SENP6: variants seen among roughly 807,000 people sequenced by gnomAD.
SENP6 encodes the protein sentrin-specific protease 6.
In SENP6, 41 loss-of-function variants were observed where a neutral mutation model predicts 134.5. The ratio of observed to expected loss-of-function variants is 0.30; its 90% CI spans 0.24 to 0.40. SENP6 has a LOEUF of 0.40. SENP6 is among the 10% of genes least tolerant of loss of function. SENP6 has a pLI of 1.00. For synonymous variants in SENP6, 395 were observed against 429.8 expected (o/e 0.92, Z 1.00); for missense variants, 1,248 against 1,312.5 (o/e 0.95, Z 0.76).
At position 75,617,315 on chromosome 6, in the gene SENP6, C is replaced by CCAGGCTG. The variant is rs1436809054; in HGVS notation, c.53-4216_53-4210dup. On this transcript the variant is annotated intron_variant, in intron 1 of 23. Coordinates refer to ENST00000447266, the MANE Select transcript of SENP6 (RefSeq NM_015571.4). ...TGAGACGGAGTTTCGCTCTTGTTGC[C>CCAGGCTG]CAGGCTGGAGTGCAATGGCGTGATC... 4.7e-5 allele frequency among the ~76,000 whole-genome samples: 6 copies of CCAGGCTG among 126,706 alleles called. No individual in the cohort carries two copies. In the East Asian group the frequency reaches 1.3e-3, roughly 28 times the overall value. 83.1% of individuals were successfully genotyped at this position (126,706 alleles called of 152,430 possible). A position where few individuals can be genotyped will look rare whatever the true frequency, so the allele number is the denominator to read the frequency against.
chr6:75,626,715 A>G (rs1768724647), intron 3 of SENP6, among the ~76,000 whole-genome samples: 1 of 152,162 alleles, frequency 6.6e-6, no homozygotes, highest in Non-Finnish European at 1.5e-5. Context: ...GATACTGCCA[A>G]ATTCCCTATC....
At chr6:75,613,123 A>AG (rs1367109080) in intron 1 of SENP6, among the ~76,000 whole-genome samples, 1 of 151,754 alleles carries the variant, frequency 6.6e-6, no homozygotes, top group Non-Finnish European at 1.5e-5. Flanking sequence ...TTAAAAAAAA[A>AG]AAAAGAAAAG....
intron 2 of SENP6, chr6:75,622,887 T>G (rs1768383607): frequency 2.4e-5 from 25 of 1,054,124 alleles, no homozygotes; most frequent in Non-Finnish European, 3.0e-5. Flanking sequence ...GTCAGTATTT[T>G]ATGGTTTTCT....
intron 3 of SENP6, among the ~76,000 whole-genome samples, chr6:75,632,423 A>G (rs550661619): frequency 6.6e-6 from 1 of 152,206 alleles, no homozygotes; most frequent in Non-Finnish European, 1.5e-5. Flanking sequence ...TAGAATTGTC[A>G]TGAGATTTAT....
At chr6:75,637,191 T>G (rs1438806481) in intron 5 of SENP6, among the ~76,000 whole-genome samples, 1 of 152,164 alleles carries the variant, frequency 6.6e-6, no homozygotes, top group African/African-American at 2.4e-5. Context: ...TTATAATAAT[T>G]TGAAATGAAA....
intron 7 of SENP6, among the ~76,000 whole-genome samples, chr6:75,654,041 T>C (rs1390003303): frequency 1.3e-5 from 2 of 152,000 alleles, no homozygotes; most frequent in African/African-American, 2.4e-5. Flanking sequence ...CTGGCCAGCA[T>C]AGTGAGACCC....
intron 16 of SENP6, among the ~76,000 whole-genome samples, chr6:75,683,056 C>T (rs947088088): frequency 6.6e-6 from 1 of 152,210 alleles, no homozygotes; most frequent in Admixed American, 6.5e-5. Flanking sequence ...TCCACATCCT[C>T]TCCAGCATCT....
chr6:75,661,373 AAGG>A (rs1394392357), intron 8 of SENP6, among the ~76,000 whole-genome samples: 2 of 152,194 alleles, frequency 1.3e-5, no homozygotes, highest in Non-Finnish European at 1.5e-5. Context: ...AGCCTAGGTA[AAGG>A]AGGAGGAAAG....
chr6:75,691,830 G>A (rs977354046), intron 16 of SENP6, among the ~76,000 whole-genome samples: 14 of 151,882 alleles, frequency 9.2e-5, no homozygotes, highest in Admixed American at 3.9e-4. Flanking sequence ...TCCTGACCTC[G>A]TGATCCGCCC....
chr6:75,638,732 C>T lies in SENP6; in HGVS notation c.459-1952C>T, dbSNP rs183793273. ...GTTTCTTCTACCTCTGTTTTTCTAC[C>T]TATTTCCTTTCCTCTGTACAGGTGA... On this transcript the variant is annotated intron_variant, in intron 5 of 23. Coordinates refer to ENST00000447266, the MANE Select transcript of SENP6 (RefSeq NM_015571.4). Among the ~76,000 whole-genome samples the T allele has an allele frequency of 1.5e-3, 216 of 146,432 alleles. 1 individual carries two copies. The highest frequency in any genetic ancestry group is 5.3e-3 in the African/African-American group (208 of 39,504).
At chr6:75,713,473 A>T in intron 21 of SENP6, 40 bp from the exon 22 acceptor site, 1 of 1,481,270 alleles carries the variant, frequency 6.8e-7, no homozygotes. Context: ...CATTTGTAAT[A>T]TTATGAAGTA....
At chr6:75,605,092 C>T (rs1054926959) in intron 1 of SENP6, among the ~76,000 whole-genome samples, 1 of 152,168 alleles carries the variant, frequency 6.6e-6, no homozygotes, top group Non-Finnish European at 1.5e-5. Flanking sequence ...TAAAATATTC[C>T]ACCATAATTT....
chr6:75,706,010 C>G (rs565717236), intron 19 of SENP6, among the ~76,000 whole-genome samples: 5 of 129,002 alleles, frequency 3.9e-5, no homozygotes, highest in Admixed American at 1.9e-4. Flanking sequence ...AATCTTGTCT[C>G]ACTGCAACCT....
chr6:75,702,664 GTTGT>G lies in SENP6; in HGVS notation c.2315_2318del (p.Cys772SerfsTer27). 1 of 1,592,754 alleles carries G rather than the reference GTTGT, an allele frequency of 6.3e-7. No homozygotes were observed. The highest frequency in any genetic ancestry group is 8.5e-7 in the Non-Finnish European group (1 of 1,169,830). ...TTACAGTGCACACTGGTTTTTGGCT[GTTGT>G]TTGTTTCCCCGGTTTGGAAAAACCA... On this transcript the variant is annotated frameshift_variant, in exon 19 of 24. Transcript: ENST00000447266. LOFTEE classifies it high-confidence loss of function.
rs751780296 is a variant in SENP6, at chr6:75,716,195, G to A, written c.*601G>A. The A allele has an allele frequency of 6.6e-6, 1 of 151,594 alleles. No individual in the cohort carries two copies. Among genetic ancestry groups the A allele is most frequent in the African/African-American group, 2.4e-5 (1 of 41,304 alleles). 9.4% of individuals were successfully genotyped at this position (151,594 alleles called of 1,614,324 possible). The stretch of plus-strand genomic sequence containing the variant: ...TGTAATTTTACACAAATATTTAAGA[G>A]GAAAGAGTATTAAGAGCAATTCAAA... On this transcript the variant is annotated 3_prime_UTR_variant, in exon 24 of 24. Transcript: ENST00000447266.
chr6:75,697,313 T>C, intron 17 of SENP6, 112 bp from the exon 18 acceptor site: 1 of 710,774 alleles, frequency 1.4e-6, no homozygotes, highest in Non-Finnish European at 2.3e-6. Context: ...CAAACCATTT[T>C]ATGCAACTGT....
At chr6:75,626,539 T>G (rs1768710383) in intron 3 of SENP6, among the ~76,000 whole-genome samples, 1 of 152,194 alleles carries the variant, frequency 6.6e-6, no homozygotes, top group Non-Finnish European at 1.5e-5. Flanking sequence ...TTGTCCCTAC[T>G]GATGAATAGA....
chr6:75,644,785 G>A (rs1461280135), intron 6 of SENP6, among the ~76,000 whole-genome samples: 2 of 151,994 alleles, frequency 1.3e-5, no homozygotes, highest in African/African-American at 2.4e-5. Flanking sequence ...TTGCCCAGCC[G>A]GTAAATTTCT....
At chr6:75,638,983 C>G (rs1769820943) in intron 5 of SENP6, among the ~76,000 whole-genome samples, 2 of 152,070 alleles carry the variant, frequency 1.3e-5, no homozygotes, top group Non-Finnish European at 2.9e-5. Flanking sequence ...CTAGGGAGAT[C>G]AAGGCTACAG....
Sources: allele counts gnomAD v4.1 joint callset (sites outside exome capture counted in the v4.1 genomes callset), GRCh38; gene constraint gnomAD v4.1.1; transcripts MANE v1.5; gene names NCBI Gene and HGNC (gene_info 2026-07-23, HGNC 2026-07-21).